The following UVRAG variants were observed in gnomAD, a reference collection of about 807,000 sequenced individuals.
UVRAG encodes the protein UV radiation resistance-associated gene protein.
In UVRAG, 19 loss-of-function variants were observed where a neutral mutation model predicts 78.0. The observed-to-expected ratio is 0.24, with a 90% CI of 0.17 to 0.36. The LOEUF is 0.36. UVRAG is among the 10% of genes least tolerant of loss of function. The pLI, the probability that UVRAG is intolerant of heterozygous loss-of-function variation, is 1.00. For synonymous variants in UVRAG, 323 were observed against 324.6 expected, an observed-to-expected ratio of 1.00 and a Z score of 0.05; for missense variants, 740 against 853.8, an observed-to-expected ratio of 0.87 and a Z score of 1.66.
intron 7 of UVRAG, among the ~76,000 whole-genome samples, chr11:75,971,457 C>T (rs1949119632): frequency 6.6e-6 from 1 of 152,210 alleles, no homozygotes; most frequent in South Asian, 2.1e-4. Flanking sequence ...GCATCCCCAC[C>T]TTCAATGAAT....
chr11:76,008,489 G>A (rs1397396620), intron 10 of UVRAG, among the ~76,000 whole-genome samples: 2 of 152,072 alleles, frequency 1.3e-5, no homozygotes, highest in Non-Finnish European at 2.9e-5. Flanking sequence ...AAGCTAATAG[G>A]ATTTGAGTTT....
At chr11:75,856,322 G>GT (rs765603398) in intron 2 of UVRAG, among the ~76,000 whole-genome samples, 151 of 152,208 alleles carry the variant, frequency 9.9e-4, no homozygotes, top group Middle Eastern at 3.4e-3. Flanking sequence ...GTTTTTCATA[G>GT]TTATTTTCTT....
intron 7 of UVRAG, among the ~76,000 whole-genome samples, chr11:75,966,798 G>T (rs1376617614): frequency 6.6e-6 from 1 of 152,194 alleles, no homozygotes; most frequent in African/African-American, 2.4e-5. Flanking sequence ...TGTCATGCCT[G>T]CAATGAACAT....
chr11:76,037,684 A>C (rs1255063709), intron 12 of UVRAG, among the ~76,000 whole-genome samples: 1 of 152,040 alleles, frequency 6.6e-6, no homozygotes, highest in South Asian at 2.1e-4. Flanking sequence ...TACACTCCAG[A>C]CTGGGTGAAA....
chr11:76,096,615 T>G (rs1358966590), intron 13 of UVRAG, among the ~76,000 whole-genome samples: 3 of 152,148 alleles, frequency 2.0e-5, no homozygotes, highest in Non-Finnish European at 4.4e-5. Flanking sequence ...AAGGATGCTG[T>G]AGAAAAGGAG....
chr11:75,825,234 G>A (rs1032599596), intron 1 of UVRAG, among the ~76,000 whole-genome samples: 2 of 151,478 alleles, frequency 1.3e-5, no homozygotes, highest in African/African-American at 2.4e-5. Context: ...TCAGCCTCCC[G>A]AGTAGCCTCC....
At chr11:75,865,287 C>CAAA (rs1195072746) in intron 3 of UVRAG, among the ~76,000 whole-genome samples, 51 of 45,572 alleles carry the variant, frequency 1.1e-3, no homozygotes, top group African/African-American at 2.7e-3. Context: ...AACTCCATCT[C>CAAA]AAAAAAAAAA....
At chr11:76,038,303 A>C (rs950399619) in intron 12 of UVRAG, among the ~76,000 whole-genome samples, 2 of 152,214 alleles carry the variant, frequency 1.3e-5, no homozygotes, top group Admixed American at 1.3e-4. Flanking sequence ...AAATGGAAAA[A>C]AATTCCATTC....
chr11:75,971,754 T>C (rs1178757699), intron 7 of UVRAG, among the ~76,000 whole-genome samples: 1 of 152,120 alleles, frequency 6.6e-6, no homozygotes, highest in Non-Finnish European at 1.5e-5. Context: ...AGCACGATCC[T>C]GGTTCACTGA....
intron 1 of UVRAG, among the ~76,000 whole-genome samples, chr11:75,835,859 G>A (rs1422528290): frequency 6.6e-6 from 1 of 151,912 alleles, no homozygotes; most frequent in Admixed American, 6.6e-5. Context: ...TTTGGGAGGC[G>A]GTGGTGGGCA....
chr11:75,961,695 G>A (rs1948914601), intron 7 of UVRAG, 146 bp downstream of exon 7: 2 of 586,216 alleles, frequency 3.4e-6, no homozygotes, highest in Non-Finnish European at 2.8e-6. Context: ...TTTAAATGTT[G>A]GAAATAAACT....
At chr11:75,995,794 T>A (rs1220481015) in intron 8 of UVRAG, among the ~76,000 whole-genome samples, 2 of 152,110 alleles carry the variant, frequency 1.3e-5, no homozygotes, top group Non-Finnish European at 2.9e-5. Context: ...ATATATTTAT[T>A]TGAAATGATG....
intron 12 of UVRAG, among the ~76,000 whole-genome samples, chr11:76,041,124 A>G (rs1950640952): frequency 1.3e-5 from 2 of 152,260 alleles, no homozygotes; most frequent in African/African-American, 4.8e-5. Flanking sequence ...AAACCACTCA[A>G]TTAAAAAATT....
chr11:75,851,865 TTTG>T lies in UVRAG; in HGVS notation c.118-12_118-10del, dbSNP rs779645671. 151 of 1,588,956 alleles carry T rather than the reference TTTG, an allele frequency of 9.5e-5. No individual in the cohort carries two copies. The African/African-American group carries it at 1.1e-3, about 11-fold the overall frequency. On this transcript the variant is annotated splice_polypyrimidine_tract_variant and intron_variant, in intron 1 of 14. Coordinates refer to ENST00000356136, the MANE Select transcript of UVRAG (RefSeq NM_003369.4). Reference sequence around the variant, plus strand: ...GGAAAAATCTGAATGCCTTCTCTTTTTTGTTGTTATTTTTCAGCGGCGTCTTCG... The same window carrying T: ...GGAAAAATCTGAATGCCTTCTCTTTTTTGTTATTTTTCAGCGGCGTCTTCG...
chr11:76,107,869 A>ATAAAAT (rs1951998760), intron 13 of UVRAG, among the ~76,000 whole-genome samples: 1 of 152,100 alleles, frequency 6.6e-6, no homozygotes, highest in Non-Finnish European at 1.5e-5. Flanking sequence ...GGATTGAAAT[A>ATAAAAT]GTGGTAACTA....
At chr11:76,107,848 T>C (rs1232775356) in intron 13 of UVRAG, among the ~76,000 whole-genome samples, 1 of 152,198 alleles carries the variant, frequency 6.6e-6, no homozygotes, top group Non-Finnish European at 1.5e-5. Flanking sequence ...AACTTAGTAG[T>C]ACTTAAAAAT....
chr11:75,885,627 G>A (rs1199456709), intron 4 of UVRAG, among the ~76,000 whole-genome samples: 1 of 152,080 alleles, frequency 6.6e-6, no homozygotes, highest in Non-Finnish European at 1.5e-5. Flanking sequence ...ATCAAAATAC[G>A]AGGTTGTGGT....
rs368817196 is a variant in UVRAG, at chr11:76,003,722, C to T, written c.827-283C>T. ...TGAAGTCTGAATTTTGATATCTTAT[C>T]AATTGCTGACCATCTTTCTCAGTCA... On this transcript the variant is annotated intron_variant, in intron 8 of 14. Coordinates refer to ENST00000356136, the MANE Select transcript of UVRAG (RefSeq NM_003369.4). 1.6e-4 allele frequency among the ~76,000 whole-genome samples: 24 copies of T among 152,190 alleles called. No homozygotes were observed. In the East Asian group the frequency reaches 3.5e-3, roughly 22 times the overall value.
At chr11:75,875,766 T>C (rs1270416016) in intron 3 of UVRAG, among the ~76,000 whole-genome samples, 1 of 152,178 alleles carries the variant, frequency 6.6e-6, no homozygotes, top group Non-Finnish European at 1.5e-5. Flanking sequence ...TTAGTTTCAC[T>C]TATGCTGTTT....
Sources: allele counts gnomAD v4.1 joint callset (sites outside exome capture counted in the v4.1 genomes callset), GRCh38; gene constraint gnomAD v4.1.1; transcripts MANE v1.5; gene names NCBI Gene and HGNC (gene_info 2026-07-23, HGNC 2026-07-21).